PDS5B: variants seen among roughly 807,000 people sequenced by gnomAD.
PDS5B encodes the protein PDS5 cohesin associated factor B.
A neutral mutation model predicts 184.1 loss-of-function variants in PDS5B; 51 were observed. The observed-to-expected ratio is 0.28, with a 90% CI of 0.22 to 0.35. PDS5B has a LOEUF of 0.35. Ranked by LOEUF, PDS5B falls within the 10% of genes least tolerant of loss-of-function variation. The pLI, the probability that PDS5B is intolerant of heterozygous loss-of-function variation, is 1.00. For missense variants in PDS5B, 1,180 were observed against 1,723.3 expected (o/e 0.68, Z 5.58); for synonymous variants, 566 against 569.2 (o/e 0.99, Z 0.08).
chr13:32,645,346 G>A (rs1950190590), intron 1 of PDS5B, among the ~76,000 whole-genome samples: 1 of 152,098 alleles, frequency 6.6e-6, no homozygotes, highest in Non-Finnish European at 1.5e-5. Flanking sequence ...AAACTAGTTG[G>A]GAAGGATTCC....
intron 1 of PDS5B, among the ~76,000 whole-genome samples, chr13:32,640,657 T>A (rs990920895): frequency 1.3e-5 from 2 of 152,176 alleles, no homozygotes; most frequent in Admixed American, 1.3e-4. Flanking sequence ...AAAATGCTTG[T>A]TTCAAATAAC....
intron 15 of PDS5B, among the ~76,000 whole-genome samples, chr13:32,697,976 C>T (rs559802002): frequency 9.9e-5 from 15 of 152,234 alleles, no homozygotes; most frequent in East Asian, 1.9e-4. Context: ...GTGTGAGCCA[C>T]GGTGCCTGGC....
rs149649035 is a variant in PDS5B at position 32,696,340 on chromosome 13, T to C, written c.1552-514T>C. 2.7e-3 allele frequency among the ~76,000 whole-genome samples: 418 copies of C among 152,278 alleles called. 1 individual carries two copies. Among genetic ancestry groups the C allele is most frequent in the Middle Eastern group, 0.014 (4 of 294 alleles). On this transcript the variant is annotated intron_variant, in intron 14 of 34. Coordinates refer to ENST00000315596, the MANE Select transcript of PDS5B (RefSeq NM_015032.4). ...CTTTACATGCAGTAGTACATGAATG[T>C]ATTACATATGGTATAATGTAATGAA...
intron 25 of PDS5B, among the ~76,000 whole-genome samples, chr13:32,754,331 G>T (rs1315517117): frequency 1.3e-5 from 2 of 152,006 alleles, no homozygotes; most frequent in African/African-American, 4.8e-5. Flanking sequence ...ACACCTTATA[G>T]CCCTTTATAG....
intron 19 of PDS5B, among the ~76,000 whole-genome samples, chr13:32,719,463 A>G (rs966722582): frequency 1.3e-5 from 2 of 151,750 alleles, no homozygotes; most frequent in East Asian, 3.9e-4. Flanking sequence ...GATTACAGGC[A>G]TGAGCCACCA....
At chr13:32,672,147 A>G (rs1211501650) in intron 7 of PDS5B, among the ~76,000 whole-genome samples, 1 of 151,946 alleles carries the variant, frequency 6.6e-6, no homozygotes, top group African/African-American at 2.4e-5. Context: ...ACACATCAGA[A>G]TGTAAAAGAA....
chr13:32,746,169 G>T, intron 24 of PDS5B, 69 bp downstream of exon 24: 3 of 1,269,958 alleles, frequency 2.4e-6, no homozygotes, highest in Non-Finnish European at 3.3e-6. Flanking sequence ...AACATCCACT[G>T]TGATACATAG....
chr13:32,749,839 G>A (rs922622976), intron 24 of PDS5B, among the ~76,000 whole-genome samples: 3 of 151,820 alleles, frequency 2.0e-5, no homozygotes, highest in Non-Finnish European at 4.4e-5. Context: ...CTGGGGGGGC[G>A]GGGACATTTG....
At chr13:32,602,368 A>G (rs1018818332) in intron 1 of PDS5B, among the ~76,000 whole-genome samples, 5 of 152,084 alleles carry the variant, frequency 3.3e-5, no homozygotes, top group South Asian at 2.1e-4. Flanking sequence ...TGGCCTTGCA[A>G]TAGTTTGCTC....
At chr13:32,588,345 A>C (rs1320544008) in intron 1 of PDS5B, among the ~76,000 whole-genome samples, 1 of 151,452 alleles carries the variant, frequency 6.6e-6, no homozygotes, top group Non-Finnish European at 1.5e-5. Flanking sequence ...AACACATCTT[A>C]AGAACATTAT....
Position 32,643,895 on chromosome 13 carries a change from G to C in PDS5B, c.-19-4859G>C, listed in dbSNP as rs142456917. 3.3e-5 allele frequency among the ~76,000 whole-genome samples: 5 copies of C among 152,242 alleles called. No homozygotes were observed. The East Asian group carries it at 9.6e-4, about 29-fold the overall frequency. On this transcript the variant is annotated intron_variant, in intron 1 of 34. Coordinates refer to ENST00000315596, the MANE Select transcript of PDS5B (RefSeq NM_015032.4). ...TGCACAGGAGGAACACAGATTTTTG[G>C]ATGTTAATCTTGTATCCTGGAACGT...
chr13:32,761,461 C>T (rs973168251), intron 30 of PDS5B, among the ~76,000 whole-genome samples: 1 of 152,082 alleles, frequency 6.6e-6, no homozygotes, highest in South Asian at 2.1e-4. Context: ...TTACAGCCCA[C>T]ATCCTCCTTT....
chr13:32,641,702 G>A (rs765533251), intron 1 of PDS5B, among the ~76,000 whole-genome samples: 3 of 151,992 alleles, frequency 2.0e-5, no homozygotes, highest in Non-Finnish European at 4.4e-5. Context: ...TTTCATTAAG[G>A]TTTAGTGTTG....
intron 1 of PDS5B, among the ~76,000 whole-genome samples, chr13:32,627,358 A>G (rs1474457477): frequency 6.6e-6 from 1 of 152,228 alleles, no homozygotes; most frequent in African/African-American, 2.4e-5. Flanking sequence ...AGAATTAGCT[A>G]TAGATATTTG....
intron 19 of PDS5B, among the ~76,000 whole-genome samples, chr13:32,712,844 G>T (rs1952251012): frequency 2.6e-5 from 4 of 152,184 alleles, no homozygotes; most frequent in Admixed American, 6.5e-5. Flanking sequence ...TAGTGATGAG[G>T]TAAGACTAAG....
intron 19 of PDS5B, among the ~76,000 whole-genome samples, chr13:32,713,961 A>G (rs1448334125): frequency 6.6e-6 from 1 of 152,226 alleles, no homozygotes; most frequent in African/African-American, 2.4e-5. Context: ...GGCTTGAGAA[A>G]TAAAGGGACA....
At position 32,694,310 on chromosome 13, in the gene PDS5B, T is replaced by A. The variant is rs750629888; in HGVS notation, c.1551+6T>A. ...ACTTGATTAAGCAACCCAAAGTAAGTAAGAATTTTTTCCTTCAATGTTTTT... is the reference window on the plus strand; with the variant it reads ...ACTTGATTAAGCAACCCAAAGTAAGAAAGAATTTTTTCCTTCAATGTTTTT... On this transcript the variant is annotated splice_donor_region_variant and intron_variant, in intron 14 of 34. Transcript: ENST00000315596. 13 of 1,563,340 alleles carry A rather than the reference T, an allele frequency of 8.3e-6. No individual in the cohort carries two copies. Among genetic ancestry groups the A allele is most frequent in the Admixed American group, 1.8e-5 (1 of 55,138 alleles).
intron 1 of PDS5B, among the ~76,000 whole-genome samples, chr13:32,637,882 T>G (rs983301206): frequency 1.3e-5 from 2 of 152,236 alleles, no homozygotes; most frequent in Non-Finnish European, 2.9e-5. Flanking sequence ...TAGCTTTTAC[T>G]GCATAACAAA....
At chr13:32,673,744 T>A (rs536220338) in intron 8 of PDS5B, among the ~76,000 whole-genome samples, 95 of 152,328 alleles carry the variant, frequency 6.2e-4, no homozygotes, top group Non-Finnish European at 1.2e-3. Context: ...TGTGAAATGC[T>A]TTCCCTTTAT....
Sources: allele counts gnomAD v4.1 joint callset (sites outside exome capture counted in the v4.1 genomes callset), GRCh38; gene constraint gnomAD v4.1.1; transcripts MANE v1.5; gene names NCBI Gene and HGNC (gene_info 2026-07-23, HGNC 2026-07-21).